Variants in DCAF8L2 observed in about 807,000 individuals in gnomAD.
The protein encoded by DCAF8L2 is DDB1- and CUL4-associated factor 8-like protein 2.
For synonymous variants in DCAF8L2, 200 were observed against 190.9 expected, an observed-to-expected ratio of 1.05 and a Z score of -0.39; for missense variants, 430 against 490.7, an observed-to-expected ratio of 0.88 and a Z score of 1.17.
At position 27,747,446 on chromosome X, in the gene DCAF8L2, G is replaced by T. The variant is rs1431192056; in HGVS notation, c.551G>T (p.Arg184Leu). Residue 184 changes from arginine to leucine, a missense_variant, in exon 5 of 5, where the codon CGA (arginine) becomes CTA (leucine). Arg to Leu is a moderately radical substitution (Grantham distance 102). Transcript: ENST00000451261. ...WVSSETSALP[R>L]PRWQVVTALH... is the part of the protein sequence containing the mutation. ...TCCTCAGAGACATCTGCCCTGCCCCGACCTCGCTGGCAGGTCGTTACTGCT... is the reference window on the plus strand; with the variant it reads ...TCCTCAGAGACATCTGCCCTGCCCCTACCTCGCTGGCAGGTCGTTACTGCT... 4 of 1,174,672 alleles carry T rather than the reference G, an allele frequency of 3.4e-6. No individual in the cohort carries two copies. Among genetic ancestry groups the T allele is most frequent in the Non-Finnish European group, 4.6e-6 (4 of 876,614 alleles).
chrX:27,643,460 T>C (rs984640535), intron 2 of DCAF8L2, among the ~76,000 whole-genome samples: 8 of 111,919 alleles, frequency 7.1e-5, no homozygotes, highest in African/African-American at 2.6e-4. Context: ...TTAATCTGTG[T>C]TGATGTCGTA....
chrX:27,580,381 C>T, the DCAF8L2 span, among the ~76,000 whole-genome samples: 384 of 111,501 alleles, frequency 3.4e-3, 1 homozygote, highest in African/African-American at 0.012. Context: ...GAGGTTTAAA[C>T]ACAGAGAAGA....
At chrX:27,529,902 G>C in the DCAF8L2 span, among the ~76,000 whole-genome samples, 1 of 111,661 alleles carries the variant, frequency 9.0e-6, no homozygotes, top group Non-Finnish European at 1.9e-5. Context: ...AAGTTCATGG[G>C]TATAGGGACA....
chrX:27,701,967 C>A (rs901255173), intron 3 of DCAF8L2, among the ~76,000 whole-genome samples: 3 of 110,722 alleles, frequency 2.7e-5, no homozygotes, highest in African/African-American at 9.8e-5. Context: ...AAACTTTTAG[C>A]TACATTTATC....
At chrX:27,477,940 A>C in the DCAF8L2 span, among the ~76,000 whole-genome samples, 1 of 111,613 alleles carries the variant, frequency 9.0e-6, no homozygotes, top group Admixed American at 9.6e-5. Flanking sequence ...TTGTTAGCTC[A>C]TCAAGTAGGG....
chrX:27,492,222 C>T, the DCAF8L2 span, among the ~76,000 whole-genome samples: 14 of 112,071 alleles, frequency 1.2e-4, no homozygotes, highest in Non-Finnish European at 2.1e-4. Context: ...ATCATCATCC[C>T]TGTAGCCTTT....
intron 1 of DCAF8L2, among the ~76,000 whole-genome samples, chrX:27,615,856 A>G (rs1457142550): frequency 9.0e-6 from 1 of 111,238 alleles, no homozygotes; most frequent in Non-Finnish European, 1.9e-5. Flanking sequence ...AGAAATAAAT[A>G]ATAAAATAAA....
chrX:27,618,167 C>T (rs987801281), intron 1 of DCAF8L2, among the ~76,000 whole-genome samples: 4 of 111,653 alleles, frequency 3.6e-5, no homozygotes, highest in African/African-American at 9.8e-5. Flanking sequence ...ATGACATACA[C>T]ATAGAAAACA....
At chrX:27,729,671 A>G (rs1921073970) in intron 4 of DCAF8L2, among the ~76,000 whole-genome samples, 1 of 111,962 alleles carries the variant, frequency 8.9e-6, no homozygotes, top group Admixed American at 9.5e-5. Context: ...GTGGAAGGGA[A>G]AAGTTAGCTT....
the DCAF8L2 span, among the ~76,000 whole-genome samples, chrX:27,566,662 TTTTA>T: frequency 1.3e-4 from 14 of 111,464 alleles, no homozygotes; most frequent in Non-Finnish European, 2.3e-4. Context: ...GATTTGTTGA[TTTTA>T]TTTATCTTTT....
the DCAF8L2 span, among the ~76,000 whole-genome samples, chrX:27,552,704 T>C: frequency 8.9e-6 from 1 of 111,773 alleles, no homozygotes; most frequent in Non-Finnish European, 1.9e-5. Flanking sequence ...TATGGCTTTG[T>C]ATTATATTTT....
intron 3 of DCAF8L2, among the ~76,000 whole-genome samples, chrX:27,704,226 G>GTATATACA: frequency 1.1e-5 from 1 of 88,831 alleles, no homozygotes; most frequent in African/African-American, 5.3e-5. Context: ...GCGCACATGT[G>GTATATACA]CGTGTACACA....
chrX:27,608,628 T>C (rs762101958), intron 1 of DCAF8L2, among the ~76,000 whole-genome samples: 2 of 111,367 alleles, frequency 1.8e-5, no homozygotes, highest in Non-Finnish European at 3.8e-5. Context: ...GTTATAGGCA[T>C]GTAGTTGATC....
the DCAF8L2 span, among the ~76,000 whole-genome samples, chrX:27,477,755 A>G: frequency 8.9e-6 from 1 of 111,959 alleles, no homozygotes; most frequent in East Asian, 2.8e-4. Flanking sequence ...GATACAGTGT[A>G]TAGAGAGGGA....
the DCAF8L2 span, among the ~76,000 whole-genome samples, chrX:27,469,432 G>T: frequency 2.7e-5 from 3 of 111,651 alleles, no homozygotes; most frequent in Non-Finnish European, 3.8e-5. Context: ...CTCAATTTTT[G>T]CCTAGAGATA....
chrX:27,609,094 C>T (rs1393290631), intron 1 of DCAF8L2, among the ~76,000 whole-genome samples: 1 of 111,550 alleles, frequency 9.0e-6, no homozygotes, highest in African/African-American at 3.3e-5. Flanking sequence ...CCATGTATCA[C>T]GAACTATGGG....
rs927584212 is a variant in DCAF8L2, at chrX:27,654,146, G to A, written c.-220+22146G>A. Among the ~76,000 whole-genome samples the A allele has an allele frequency of 7.2e-5, 8 of 111,065 alleles. 1 individual carries two copies. The Admixed American group carries it at 7.7e-4, about 11-fold the overall frequency. On this transcript the variant is annotated intron_variant, in intron 2 of 4. Transcript: ENST00000451261. ...AGAACCTCCAGAGCTGCTCCTCTCT[G>A]GCATGATTAAGTAGGGGAGTATGTG...
At chrX:27,629,452 TTCTC>T (rs906000470) in intron 1 of DCAF8L2, among the ~76,000 whole-genome samples, 1 of 110,313 alleles carries the variant, frequency 9.1e-6, no homozygotes, top group African/African-American at 3.3e-5. Context: ...CTTTCTTTCT[TTCTC>T]TCTCTTTTTT....
At chrX:27,525,168 T>G in the DCAF8L2 span, among the ~76,000 whole-genome samples, 1 of 111,419 alleles carries the variant, frequency 9.0e-6, no homozygotes, top group Non-Finnish European at 1.9e-5. Context: ...GGAGTCTAAG[T>G]CTCTTTGTAG....
Sources: gnomAD v4.1 joint callset for allele counts (sites outside exome capture counted in the v4.1 genomes callset) on GRCh38, gnomAD v4.1.1 for gene constraint, MANE v1.5 for transcripts, NCBI Gene and HGNC (gene_info 2026-07-23, HGNC 2026-07-21) for gene names.